SCAPER: variants seen among roughly 807,000 people sequenced by gnomAD.
SCAPER encodes S phase cyclin A-associated protein in the endoplasmic reticulum.
SCAPER carries 98 observed loss-of-function variants against 182.2 expected under a neutral mutation model. The observed-to-expected ratio is 0.54, with a 90% CI of 0.46 to 0.64. The LOEUF (loss-of-function observed/expected upper bound fraction) is 0.64. Ranked by LOEUF, SCAPER falls within the 30% of genes least tolerant of loss-of-function variation. The probability of loss-of-function intolerance (pLI) is 0.00; values close to 1 mark genes in which losing one functional copy is unlikely to be tolerated. For missense variants in SCAPER, 1,432 were observed against 1,690.0 expected (o/e 0.85, Z 2.68); for synonymous variants, 605 against 564.6 (o/e 1.07, Z -1.01).
chr15:76,450,711 G>A (rs1190516984), intron 25 of SCAPER, among the ~76,000 whole-genome samples: 2 of 151,992 alleles, frequency 1.3e-5, no homozygotes, highest in African/African-American at 4.8e-5. Context: ...GTGCCACCAC[G>A]CCTGGCTAAT....
intron 1 of SCAPER, chr15:76,904,469 A>C (rs2074957273): frequency 6.6e-6 from 1 of 152,226 alleles, no homozygotes; most frequent in Non-Finnish European, 1.5e-5. Flanking sequence ...GATGCAGTCC[A>C]CCAGCAACAG....
chr15:76,633,496 GC>G (rs2053328644), intron 21 of SCAPER, among the ~76,000 whole-genome samples: 1 of 152,194 alleles, frequency 6.6e-6, no homozygotes, highest in African/African-American at 2.4e-5. Context: ...CATCCGGGCT[GC>G]CCTGACTCAC....
In SCAPER at chr15:76,433,119, TA is replaced by T. The variant is rs1165723713; in HGVS notation, c.3311+958del. On this transcript the variant is annotated intron_variant, in intron 26 of 31. Transcript: ENST00000563290. Reference sequence around the variant, plus strand: ...ATTTATAACCAGAGATGAACTGAGATAGGGGAATTCTCAGAAATTCCTTCAG... The same window carrying T: ...ATTTATAACCAGAGATGAACTGAGATGGGGAATTCTCAGAAATTCCTTCAG... 3.9e-5 allele frequency among the ~76,000 whole-genome samples: 6 copies of T among 152,360 alleles called. No homozygotes were observed. In the East Asian group the frequency reaches 9.6e-4, roughly 24 times the overall value.
rs374139912 is a variant in SCAPER at position 76,702,879 on chromosome 15, T to C, written c.2371A>G (p.Lys791Glu). Residue 791 changes from lysine to glutamate, a missense_variant, in exon 19 of 32, where the codon AAG (lysine) becomes GAG (glutamate). Physicochemically the swap from Lys to Glu is moderately conservative, Grantham distance 56. Coordinates refer to ENST00000563290, the MANE Select transcript of SCAPER (RefSeq NM_020843.4). Reference protein sequence around the residue: ...YAPKLTPYERKKQCSLCNVLI... With the variant: ...YAPKLTPYEREKQCSLCNVLI... ...ACATTGCAGAGAGAACACTGCTTCTTTCTTTCATAAGGGGTCAGTTTGGGG... is the reference window on the plus strand; with the variant it reads ...ACATTGCAGAGAGAACACTGCTTCTCTCTTTCATAAGGGGTCAGTTTGGGG... The C allele has an allele frequency of 1.4e-5, 23 of 1,609,048 alleles. No individual in the cohort carries two copies. The highest frequency in any genetic ancestry group is 2.0e-5 in the Non-Finnish European group (23 of 1,178,652).
At chr15:76,357,478 A>C (rs1413691051) in intron 29 of SCAPER, among the ~76,000 whole-genome samples, 1 of 152,260 alleles carries the variant, frequency 6.6e-6, no homozygotes, top group Non-Finnish European at 1.5e-5. Flanking sequence ...GCGAGGATAC[A>C]GAGAAAAGAG....
intron 20 of SCAPER, among the ~76,000 whole-genome samples, chr15:76,690,236 A>T (rs1007794146): frequency 6.6e-6 from 1 of 151,528 alleles, no homozygotes; most frequent in Non-Finnish European, 1.5e-5. Flanking sequence ...AATATATATA[A>T]CCCCAGGGTA....
At position 76,510,864 on chromosome 15, in the gene SCAPER, CGTGTGT is replaced by C. The variant is rs58154549; in HGVS notation, c.2839-5896_2839-5891del. ...AAGTGGATAAAGAAACTGGTGCGCG[CGTGTGT>C]GTGTGTGTGTGTGTGTGTGCGCGCG... On this transcript the variant is annotated intron_variant, in intron 23 of 31. Transcript: ENST00000563290. 8.5e-3 allele frequency among the ~76,000 whole-genome samples: 1,277 copies of C among 150,600 alleles called. 14 individuals carry two copies. The highest frequency in any genetic ancestry group is 0.03 in the African/African-American group (1,209 of 40,980).
At chr15:76,581,528 C>T (rs1474326130) in intron 22 of SCAPER, among the ~76,000 whole-genome samples, 1 of 152,184 alleles carries the variant, frequency 6.6e-6, no homozygotes, top group African/African-American at 2.4e-5. Context: ...CGATGTGATA[C>T]ATCATATCAA....
intron 14 of SCAPER, among the ~76,000 whole-genome samples, chr15:76,757,715 A>C (rs1055340257): frequency 2.0e-5 from 3 of 152,190 alleles, no homozygotes; most frequent in African/African-American, 7.2e-5. Context: ...ACTAATTTAC[A>C]TTCCTACCAA....
At chr15:76,652,724 AATG>A (rs2055279119) in intron 21 of SCAPER, among the ~76,000 whole-genome samples, 1 of 139,268 alleles carries the variant, frequency 7.2e-6, no homozygotes, top group African/African-American at 2.5e-5. Flanking sequence ...AAATAATAAT[AATG>A]ATAATAGTAA....
intron 21 of SCAPER, among the ~76,000 whole-genome samples, chr15:76,648,566 C>T (rs2054748377): frequency 6.6e-6 from 1 of 152,078 alleles, no homozygotes; most frequent in African/African-American, 2.4e-5. Flanking sequence ...ACAAAGGAAA[C>T]CATAACAAGA....
intron 26 of SCAPER, among the ~76,000 whole-genome samples, chr15:76,428,175 G>A (rs1035669609): frequency 2.0e-5 from 3 of 152,124 alleles, no homozygotes; most frequent in African/African-American, 2.4e-5. Context: ...CACTGTTGGT[G>A]GGATTGTAAA....
chr15:76,847,273 C>T (rs2070201371), intron 4 of SCAPER, among the ~76,000 whole-genome samples: 1 of 151,964 alleles, frequency 6.6e-6, no homozygotes, highest in South Asian at 2.1e-4. Context: ...AGCAAACCAC[C>T]ATGGCACATG....
chr15:76,720,314 A>C (rs894549180), intron 17 of SCAPER, among the ~76,000 whole-genome samples: 18 of 152,036 alleles, frequency 1.2e-4, no homozygotes, highest in African/African-American at 3.6e-4. Context: ...ACATTTTCTT[A>C]ATCCAGTCTA....
intron 22 of SCAPER, among the ~76,000 whole-genome samples, chr15:76,583,690 CAG>C (rs2048430723): frequency 6.6e-6 from 1 of 152,108 alleles, no homozygotes; most frequent in African/African-American, 2.4e-5. Context: ...TCATTGATAA[CAG>C]AAAAATGCAA....
At chr15:76,728,894 A>T (rs952255048) in intron 16 of SCAPER, among the ~76,000 whole-genome samples, 157 bp from the exon 17 acceptor site, 1 of 152,212 alleles carries the variant, frequency 6.6e-6, no homozygotes, top group Non-Finnish European at 1.5e-5. Flanking sequence ...ACAAAAATCA[A>T]ATAGCAATGA....
intron 5 of SCAPER, among the ~76,000 whole-genome samples, chr15:76,840,518 T>C (rs547777357): frequency 1.3e-5 from 2 of 152,326 alleles, no homozygotes; most frequent in East Asian, 3.9e-4. Flanking sequence ...CTGTTCATTT[T>C]GAAACCTGCT....
chr15:76,665,569 A>C, intron 21 of SCAPER, 84 bp downstream of exon 21: 1 of 1,443,992 alleles, frequency 6.9e-7, no homozygotes, highest in Non-Finnish European at 9.2e-7. Flanking sequence ...AAACAACTTT[A>C]AACTTTTTTT....
At chr15:76,712,295 A>G (rs1025576413) in intron 17 of SCAPER, among the ~76,000 whole-genome samples, 6 of 152,074 alleles carry the variant, frequency 3.9e-5, no homozygotes, top group African/African-American at 9.7e-5. Context: ...CCATTGATCT[A>G]TATCTCTGTT....
Sources: allele counts gnomAD v4.1 joint callset (sites outside exome capture counted in the v4.1 genomes callset), GRCh38; gene constraint gnomAD v4.1.1; transcripts MANE v1.5; gene names NCBI Gene and HGNC (gene_info 2026-07-23, HGNC 2026-07-21).